The following NOX4 variants were observed in gnomAD, a reference collection of about 807,000 sequenced individuals.
The protein encoded by NOX4 is kidney oxidase-1.
In NOX4, 69 loss-of-function variants were observed where a neutral mutation model predicts 87.6. That is an observed-to-expected ratio of 0.79 (90% CI 0.65 to 0.96). The LOEUF is 0.96. Among genes scored for constraint, NOX4 ranks in the 40% least tolerant of loss-of-function variants. The probability of loss-of-function intolerance (pLI) is 0.00; values close to 1 mark genes in which losing one functional copy is unlikely to be tolerated. For missense variants in NOX4, 680 were observed against 681.5 expected (o/e 1.00, Z 0.02); for synonymous variants, 275 against 238.2 (o/e 1.15, Z -1.42).
the NOX4 span, among the ~76,000 whole-genome samples, chr11:89,575,502 A>G: frequency 1.3e-5 from 2 of 152,178 alleles, no homozygotes; most frequent in Non-Finnish European, 2.9e-5. Flanking sequence ...AAATATAATC[A>G]TTGATTTATT....
chr11:89,572,519 A>T, the NOX4 span, among the ~76,000 whole-genome samples: 1 of 151,324 alleles, frequency 6.6e-6, no homozygotes, highest in African/African-American at 2.5e-5. Flanking sequence ...CTGCAGAATT[A>T]TATGTTTTTT....
the NOX4 span, chr11:89,576,872 C>T: frequency 1.3e-5 from 2 of 151,928 alleles, no homozygotes; most frequent in Non-Finnish European, 2.9e-5. Flanking sequence ...ACAGTAACAC[C>T]AGTAATTTGT....
chr11:89,569,684 C>T, the NOX4 span, among the ~76,000 whole-genome samples: 1 of 152,066 alleles, frequency 6.6e-6, no homozygotes, highest in Admixed American at 6.6e-5. Flanking sequence ...CCCAGGAATT[C>T]CATTTCTGGG....
At chr11:89,530,835 G>A in the NOX4 span, among the ~76,000 whole-genome samples, 8 of 152,076 alleles carry the variant, frequency 5.3e-5, no homozygotes, top group African/African-American at 1.9e-4. Flanking sequence ...AAAAGTAAGG[G>A]AAATACATGT....
chr11:89,488,253 T>C lies in NOX4; in HGVS notation c.153+2205A>G, dbSNP rs185879950. Among the ~76,000 whole-genome samples, 68 of 152,158 alleles carry C rather than the reference T, an allele frequency of 4.5e-4. 1 individual carries two copies. The highest frequency in any genetic ancestry group is 1.6e-3 in the African/African-American group (68 of 41,550). On this transcript the variant is annotated intron_variant, in intron 2 of 17. Coordinates refer to ENST00000263317, the MANE Select transcript of NOX4 (RefSeq NM_016931.5). ...TATCCTTTATGCTCCTAGTCTTCCA[T>C]TTGGTCCTTTTATCATTTTTTTTCT... is the stretch of plus-strand genomic sequence containing the variant.
At chr11:89,585,281 C>T in the NOX4 span, among the ~76,000 whole-genome samples, 2 of 152,144 alleles carry the variant, frequency 1.3e-5, no homozygotes, top group Non-Finnish European at 2.9e-5. Context: ...TTCAATTTCT[C>T]CTGCTTCCTT....
At chr11:89,415,615 G>A (rs1266258679) in intron 8 of NOX4, among the ~76,000 whole-genome samples, 1 of 152,030 alleles carries the variant, frequency 6.6e-6, no homozygotes, top group Non-Finnish European at 1.5e-5. Context: ...ATGCAGATAC[G>A]TGTGTGTATG....
At chr11:89,468,411 T>C (rs1945795566) in intron 2 of NOX4, among the ~76,000 whole-genome samples, 1 of 152,250 alleles carries the variant, frequency 6.6e-6, no homozygotes, top group South Asian at 2.1e-4. Flanking sequence ...CAATATTCAG[T>C]ACATTCTTGA....
chr11:89,444,030 A>G, intron 5 of NOX4, 105 bp downstream of exon 5: 1 of 836,186 alleles, frequency 1.2e-6, no homozygotes, highest in Admixed American at 2.1e-5. Flanking sequence ...TTTTAAAAGC[A>G]CTCAAAAGGA....
the NOX4 span, among the ~76,000 whole-genome samples, chr11:89,580,970 A>G: frequency 6.6e-6 from 1 of 152,352 alleles, no homozygotes; most frequent in South Asian, 2.1e-4. Context: ...GATGACCTTC[A>G]GTGGATTTGA....
chr11:89,527,331 T>A, the NOX4 span, among the ~76,000 whole-genome samples: 45 of 152,116 alleles, frequency 3.0e-4, no homozygotes, highest in Non-Finnish European at 6.2e-4. Flanking sequence ...CACCTAGCAA[T>A]GCAATAGAAA....
At chr11:89,521,079 T>C in the NOX4 span, among the ~76,000 whole-genome samples, 870 of 152,252 alleles carry the variant, frequency 5.7e-3, 7 homozygotes, top group African/African-American at 0.02. Context: ...TGCCCATAGA[T>C]TGCAAAAATC....
At chr11:89,550,554 G>T in the NOX4 span, among the ~76,000 whole-genome samples, 1 of 152,142 alleles carries the variant, frequency 6.6e-6, no homozygotes, top group Non-Finnish European at 1.5e-5. Context: ...CAGTGATGAT[G>T]AGCTTTTTTT....
At chr11:89,397,381 T>C (rs1243552955) in intron 11 of NOX4, among the ~76,000 whole-genome samples, 1 of 152,068 alleles carries the variant, frequency 6.6e-6, no homozygotes. Context: ...GGTCTAAAAT[T>C]GGCACCCTAA....
At chr11:89,423,825 G>A (rs966266301) in intron 7 of NOX4, among the ~76,000 whole-genome samples, 1 of 152,078 alleles carries the variant, frequency 6.6e-6, no homozygotes, top group Non-Finnish European at 1.5e-5. Flanking sequence ...AGGCAGAGGT[G>A]GAAGGAGTAC....
chr11:89,520,995 A>T, the NOX4 span, among the ~76,000 whole-genome samples: 1 of 152,198 alleles, frequency 6.6e-6, no homozygotes, highest in South Asian at 2.1e-4. Context: ...GAAGTGAAAG[A>T]TCACTACAAA....
At chr11:89,390,806 A>T (rs1941068969) in intron 11 of NOX4, among the ~76,000 whole-genome samples, 1 of 152,188 alleles carries the variant, frequency 6.6e-6, no homozygotes, top group South Asian at 2.1e-4. Context: ...CCTTTGCCAT[A>T]GGTACATTTT....
the NOX4 span, among the ~76,000 whole-genome samples, chr11:89,530,246 T>C: frequency 6.6e-6 from 1 of 150,988 alleles, no homozygotes; most frequent in Non-Finnish European, 1.5e-5. Flanking sequence ...GTCTTCAGAG[T>C]ATCTATCTAA....
intron 2 of NOX4, among the ~76,000 whole-genome samples, chr11:89,472,269 T>C (rs1255187192): frequency 6.6e-6 from 1 of 152,140 alleles, no homozygotes; most frequent in Admixed American, 6.5e-5. Context: ...TTCCAAATGA[T>C]CCCAGCTCAT....
Sources: allele counts gnomAD v4.1 joint callset (sites outside exome capture counted in the v4.1 genomes callset), GRCh38; gene constraint gnomAD v4.1.1; transcripts MANE v1.5; gene names NCBI Gene and HGNC (gene_info 2026-07-23, HGNC 2026-07-21).